Variants in RAB38 observed in about 807,000 individuals in gnomAD.
RAB38 encodes ras-related protein Rab-38.
In RAB38, 15 loss-of-function variants were observed where a neutral mutation model predicts 18.4. The observed-to-expected ratio is 0.82, with a 90% CI of 0.55 to 1.26. The LOEUF (loss-of-function observed/expected upper bound fraction) is 1.26, where lower values mean the gene tolerates loss of function less well. Ranked by LOEUF, RAB38 falls within the 50% of genes most tolerant of loss-of-function variation. The pLI, the probability that RAB38 is intolerant of heterozygous loss-of-function variation, is 0.00. For synonymous variants in RAB38, 101 were observed against 104.4 expected (o/e 0.97, Z 0.20); for missense variants, 294 against 267.4 (o/e 1.10, Z -0.69).
chr11:87,977,207 TAA>T, the RAB38 span, among the ~76,000 whole-genome samples: 1 of 116,290 alleles, frequency 8.6e-6, no homozygotes, highest in African/African-American at 3.5e-5. Context: ...ATTATACAAG[TAA>T]ATTATAAAAT....
chr11:87,836,465 C>T, the RAB38 span, among the ~76,000 whole-genome samples: 1 of 152,056 alleles, frequency 6.6e-6, no homozygotes, highest in Non-Finnish European at 1.5e-5. Flanking sequence ...ATACCTAAAG[C>T]AGTAGTCTAC....
the RAB38 span, chr11:88,062,102 G>C: frequency 2.6e-5 from 4 of 152,094 alleles, no homozygotes; most frequent in Admixed American, 1.3e-4. Context: ...AGATTTGGCA[G>C]TTAAATACTG....
the RAB38 span, among the ~76,000 whole-genome samples, chr11:87,941,836 C>T: frequency 3.3e-5 from 5 of 152,104 alleles, no homozygotes; most frequent in African/African-American, 1.2e-4. Flanking sequence ...CCTTCTGTTT[C>T]TCTGTAGGAA....
At chr11:87,925,888 A>G in the RAB38 span, among the ~76,000 whole-genome samples, 1 of 151,972 alleles carries the variant, frequency 6.6e-6, no homozygotes, top group South Asian at 2.1e-4. Context: ...TGATTTTGAC[A>G]CGAACTCATC....
the RAB38 span, among the ~76,000 whole-genome samples, chr11:87,856,265 A>G: frequency 1.1e-4 from 16 of 152,116 alleles, no homozygotes; most frequent in Non-Finnish European, 2.1e-4. Flanking sequence ...CTGGCACATA[A>G]AACCATTTGA....
the RAB38 span, among the ~76,000 whole-genome samples, chr11:87,941,212 G>GATATATATATATATATATAT: frequency 0.011 from 421 of 37,620 alleles, 48 homozygotes; most frequent in Middle Eastern, 0.027. Context: ...ATAAATATAT[G>GATATATATATATATATATAT]AGATATATAT....
the RAB38 span, among the ~76,000 whole-genome samples, chr11:88,009,929 A>T: frequency 1.3e-5 from 2 of 152,284 alleles, no homozygotes; most frequent in African/African-American, 2.4e-5. Context: ...CATAAGTGAG[A>T]TATCTTTGAA....
At chr11:88,031,898 G>C in the RAB38 span, among the ~76,000 whole-genome samples, 11 of 151,810 alleles carry the variant, frequency 7.2e-5, no homozygotes, top group Non-Finnish European at 1.0e-4. Context: ...TCATATGGAA[G>C]CAAAAAAGAG....
chr11:88,106,784 A>G, the RAB38 span, among the ~76,000 whole-genome samples: 12 of 152,120 alleles, frequency 7.9e-5, no homozygotes, highest in Non-Finnish European at 1.6e-4. Context: ...GACCGTTTTT[A>G]TTAGGATTTT....
chr11:87,947,897 G>A, the RAB38 span, among the ~76,000 whole-genome samples: 3 of 152,262 alleles, frequency 2.0e-5, no homozygotes, highest in South Asian at 4.2e-4. Context: ...GGTTCCATAT[G>A]AACTCTAAAG....
the RAB38 span, among the ~76,000 whole-genome samples, chr11:88,056,035 G>T: frequency 1.3e-5 from 2 of 151,322 alleles, no homozygotes; most frequent in African/African-American, 2.4e-5. Context: ...GTGTGTGTGT[G>T]GTGGGGGCAG....
chr11:88,050,852 G>A, the RAB38 span, among the ~76,000 whole-genome samples: 4,461 of 152,208 alleles, frequency 0.029, 154 homozygotes, highest in East Asian at 0.15. Context: ...GAAGGTTGAG[G>A]AAGAAGACCA....
chr11:87,940,725 C>T, the RAB38 span, among the ~76,000 whole-genome samples: 1 of 152,006 alleles, frequency 6.6e-6, no homozygotes, highest in Non-Finnish European at 1.5e-5. Context: ...CTCACTGAAA[C>T]CTCTGCCTCC....
At chr11:87,920,134 T>C in the RAB38 span, among the ~76,000 whole-genome samples, 1 of 151,942 alleles carries the variant, frequency 6.6e-6, no homozygotes, top group Non-Finnish European at 1.5e-5. Flanking sequence ...TTATAATCTG[T>C]ATTTTATTTA....
chr11:87,878,879 G>A, the RAB38 span, among the ~76,000 whole-genome samples: 2 of 151,086 alleles, frequency 1.3e-5, no homozygotes, highest in Admixed American at 1.3e-4. Context: ...CCATTCTTAT[G>A]CATTCTGTTA....
At chr11:88,070,680 A>C in the RAB38 span, among the ~76,000 whole-genome samples, 1 of 152,208 alleles carries the variant, frequency 6.6e-6, no homozygotes, top group Non-Finnish European at 1.5e-5. Context: ...TATTAAAATA[A>C]GCATAGTGAA....
At chr11:87,868,585 GAGAGA>G in the RAB38 span, among the ~76,000 whole-genome samples, 1 of 6,684 alleles carries the variant, frequency 1.5e-4, no homozygotes, top group Non-Finnish European at 4.1e-4. Context: ...GAGGGAGAGA[GAGAGA>G]GAGAGAGAGA....
chr11:88,052,287 T>C, the RAB38 span, among the ~76,000 whole-genome samples: 1 of 152,122 alleles, frequency 6.6e-6, no homozygotes, highest in Admixed American at 6.5e-5. Flanking sequence ...TATGTAACAG[T>C]CTCAGAGATC....
the RAB38 span, among the ~76,000 whole-genome samples, chr11:87,899,322 C>A: frequency 1.3e-5 from 2 of 151,566 alleles, no homozygotes; most frequent in African/African-American, 4.8e-5. Context: ...GGCACAGGGG[C>A]AACGGCACTG....
Sources: allele counts gnomAD v4.1 joint callset (sites outside exome capture counted in the v4.1 genomes callset), GRCh38; gene constraint gnomAD v4.1.1; transcripts MANE v1.5; gene names NCBI Gene and HGNC (gene_info 2026-07-23, HGNC 2026-07-21).